VPS54: variants seen among roughly 807,000 people sequenced by gnomAD.
VPS54 encodes the protein VPS54 subunit of GARP complex.
In VPS54, 45 loss-of-function variants were observed where a neutral mutation model predicts 121.5. The ratio of observed to expected loss-of-function variants is 0.37; its 90% CI spans 0.29 to 0.47. The LOEUF (loss-of-function observed/expected upper bound fraction) is 0.47. VPS54 is among the 20% of genes least tolerant of loss of function. The probability of loss-of-function intolerance (pLI) is 0.99; values close to 1 mark genes in which losing one functional copy is unlikely to be tolerated. For synonymous variants in VPS54, 371 were observed against 385.8 expected, an observed-to-expected ratio of 0.96 and a Z score of 0.45; for missense variants, 1,090 against 1,131.4, an observed-to-expected ratio of 0.96 and a Z score of 0.52.
rs74360644 is a variant in VPS54, at chr2:63,897,259, C to T, written c.2828+237G>A. The stretch of plus-strand genomic sequence containing the variant: ...ACTAAGGAAGTGCTACTAATTCACA[C>T]TGCCTCAAAACAGATACATAACGTC... On this transcript the variant is annotated intron_variant, in intron 22 of 22. Coordinates refer to ENST00000272322, the MANE Select transcript of VPS54 (RefSeq NM_016516.3). Among the ~76,000 whole-genome samples, 2,677 of 152,160 alleles carry T rather than the reference C, an allele frequency of 0.018. 33 individuals carry two copies. Among genetic ancestry groups the T allele is most frequent in the Non-Finnish European group, 0.022 (1,478 of 67,988 alleles).
intron 18 of VPS54, 38 bp downstream of exon 18, chr2:63,913,185 A>C (rs1159469378): frequency 1.3e-6 from 2 of 1,547,082 alleles, no homozygotes; most frequent in Non-Finnish European, 1.8e-6. Context: ...CATCACTGTT[A>C]ACACTTCAGC....
chr2:63,994,513 G>C (rs1269278451), intron 1 of VPS54, among the ~76,000 whole-genome samples: 1 of 152,142 alleles, frequency 6.6e-6, no homozygotes, highest in African/African-American at 2.4e-5. Context: ...GCTCAATCAG[G>C]AAAAGGCGGC....
chr2:63,898,483 G>A (rs553234370), intron 21 of VPS54, among the ~76,000 whole-genome samples: 1 of 152,232 alleles, frequency 6.6e-6, no homozygotes, highest in African/African-American at 2.4e-5. Flanking sequence ...TGAAAACCTA[G>A]GGAAGTACGA....
chr2:63,930,045 C>T (rs1046984124), intron 12 of VPS54, among the ~76,000 whole-genome samples: 17 of 152,140 alleles, frequency 1.1e-4, no homozygotes, highest in African/African-American at 4.1e-4. Context: ...AAAAAAAGTT[C>T]AGGACCAGAC....
chr2:63,897,589 A>G lies in VPS54; in HGVS notation c.2735T>C (p.Met912Thr). Residue 912 changes from methionine to threonine, a missense_variant and splice_region_variant, in exon 22 of 23, where the codon ATG (methionine) becomes ACG (threonine). Transcript: ENST00000272322. ...ACTTGCATTAATTCTTAAAAATAAC[A>G]TCTGAAAAAGAAATAAAACTAAGTT... ...FDLLPEEQTQ[M>T]LFLRINASYK... is the part of the protein sequence containing the mutation. The G allele has an allele frequency of 6.7e-7, 1 of 1,500,238 alleles. No homozygotes were observed. Among genetic ancestry groups the G allele is most frequent in the Non-Finnish European group, 9.2e-7 (1 of 1,090,568 alleles). The allele number at this position is 1,500,238 out of a possible 1,614,324, so 92.9% of individuals were successfully genotyped here.
intron 7 of VPS54, among the ~76,000 whole-genome samples, chr2:63,952,415 A>G (rs1675295713): frequency 6.6e-6 from 1 of 152,182 alleles, no homozygotes; most frequent in Non-Finnish European, 1.5e-5. Context: ...TAAATTTTAT[A>G]TTACATTAAA....
chr2:63,920,730 A>C, intron 13 of VPS54, 103 bp from the exon 14 acceptor site: 1 of 660,748 alleles, frequency 1.5e-6, no homozygotes, highest in Non-Finnish European at 2.1e-6. Context: ...TTTTTATTTT[A>C]ATAATATTTC....
chr2:63,963,136 G>T (rs1341572695), intron 6 of VPS54, among the ~76,000 whole-genome samples: 1 of 151,850 alleles, frequency 6.6e-6, no homozygotes, highest in East Asian at 1.9e-4. Flanking sequence ...AATTCATTTG[G>T]ATTTTTTTCA....
At chr2:63,900,640 A>G (rs1290923209) in intron 20 of VPS54, among the ~76,000 whole-genome samples, 1 of 152,218 alleles carries the variant, frequency 6.6e-6, no homozygotes, top group Non-Finnish European at 1.5e-5. Flanking sequence ...TATTTACATA[A>G]TGATGTCTAA....
chr2:63,899,409 A>G, intron 21 of VPS54, 65 bp downstream of exon 21: 1 of 1,392,176 alleles, frequency 7.2e-7, no homozygotes, highest in South Asian at 1.3e-5. Context: ...ATGTAAAAAC[A>G]CCCCAATTCT....
intron 1 of VPS54, among the ~76,000 whole-genome samples, chr2:64,005,089 CTTTTTTTTTTTTT>C (rs764515091): frequency 0.036 from 1,610 of 44,168 alleles, 32 homozygotes; most frequent in South Asian, 0.087. Context: ...ACTATTGCTT[CTTTTTTTTTTTTT>C]TTTTTTTTTT....
chr2:64,003,742 G>A (rs957515062), intron 1 of VPS54, among the ~76,000 whole-genome samples: 1 of 152,134 alleles, frequency 6.6e-6, no homozygotes, highest in African/African-American at 2.4e-5. Context: ...CCAAGGATGA[G>A]TAAATAGAGA....
At chr2:63,916,474 G>A (rs1002180496) in intron 16 of VPS54, among the ~76,000 whole-genome samples, 2 of 151,968 alleles carry the variant, frequency 1.3e-5, no homozygotes, top group South Asian at 2.1e-4. Context: ...CTTAATTTTC[G>A]CAATAATTCT....
chr2:63,991,909 C>T (rs765897205), intron 1 of VPS54, among the ~76,000 whole-genome samples: 15 of 152,310 alleles, frequency 9.8e-5, no homozygotes, highest in African/African-American at 2.4e-4. Flanking sequence ...GGGGTTGGGG[C>T]GGTCGATCTC....
intron 1 of VPS54, among the ~76,000 whole-genome samples, chr2:64,016,483 G>C (rs1474689715): frequency 6.6e-6 from 1 of 152,134 alleles, no homozygotes; most frequent in African/African-American, 2.4e-5. Flanking sequence ...AGCTGGGGGT[G>C]GGGTGAAGAG....
At chr2:63,902,504 T>C (rs192269453) in intron 20 of VPS54, among the ~76,000 whole-genome samples, 3 of 152,140 alleles carry the variant, frequency 2.0e-5, no homozygotes, top group East Asian at 3.9e-4. Context: ...ATAAACACTA[T>C]TTACCTCACA....
intron 20 of VPS54, among the ~76,000 whole-genome samples, chr2:63,910,018 G>A (rs552765671): frequency 1.6e-4 from 24 of 152,178 alleles, no homozygotes; most frequent in African/African-American, 4.6e-4. Flanking sequence ...TTGAGCCACC[G>A]TGCCTGGCCA....
chr2:63,969,313 C>A (rs1310041608), intron 4 of VPS54, among the ~76,000 whole-genome samples: 1 of 152,126 alleles, frequency 6.6e-6, no homozygotes. Flanking sequence ...TGTTAGGAAC[C>A]AGGTTGCACA....
At chr2:63,983,244 G>T (rs962143010) in intron 2 of VPS54, among the ~76,000 whole-genome samples, 7 of 150,386 alleles carry the variant, frequency 4.7e-5, no homozygotes, top group Non-Finnish European at 7.4e-5. Flanking sequence ...TGATTCTCCT[G>T]CCTCAGCCTC....
Sources: allele counts gnomAD v4.1 joint callset (sites outside exome capture counted in the v4.1 genomes callset), GRCh38; gene constraint gnomAD v4.1.1; transcripts MANE v1.5; gene names NCBI Gene and HGNC (gene_info 2026-07-23, HGNC 2026-07-21).